NAMPT: variants seen among roughly 807,000 people sequenced by gnomAD.
The protein encoded by NAMPT is nicotinamide phosphoribosyltransferase.
Under a neutral mutation model 58.7 loss-of-function variants are expected in NAMPT, and 7 were observed. The ratio of observed to expected loss-of-function variants is 0.12; its 90% CI spans 0.07 to 0.22. NAMPT has a LOEUF of 0.22. Among genes scored for constraint, NAMPT ranks in the 10% least tolerant of loss-of-function variants. The pLI is 1.00. For missense variants in NAMPT, 271 were observed against 567.9 expected, an observed-to-expected ratio of 0.48 and a Z score of 5.31; for synonymous variants, 145 against 198.1, an observed-to-expected ratio of 0.73 and a Z score of 2.25.
chr7:106,274,863 C>A (rs1463751083), intron 3 of NAMPT, 83 bp downstream of exon 3: 21 of 944,208 alleles, frequency 2.2e-5, no homozygotes, highest in Non-Finnish European at 3.3e-5. Flanking sequence ...TCAAAAAACA[C>A]AAAACAAAAA....
At chr7:106,266,589 CA>C (rs200457843) in intron 6 of NAMPT, among the ~76,000 whole-genome samples, 2,237 of 127,726 alleles carry the variant, frequency 0.018, 33 homozygotes, top group South Asian at 0.072. Flanking sequence ...TACTGAGTCC[CA>C]ACTCAAATTA....
chr7:106,280,640 T>C (rs938877413), intron 1 of NAMPT, among the ~76,000 whole-genome samples: 1 of 152,100 alleles, frequency 6.6e-6, no homozygotes, highest in African/African-American at 2.4e-5. Context: ...TGAACATCAA[T>C]ACATATGTGG....
rs1035082345 is a variant in NAMPT at position 106,251,334 on chromosome 7, A to G, written c.1366-141T>C. On this transcript the variant is annotated intron_variant, in intron 10 of 10. Transcript: ENST00000222553. ...ATTGTGAGATGATTTGATGCATAAA[A>G]AATGCTAGTGGAACAAGGTACTATC... 6.3e-6 allele frequency: 4 copies of G among 631,882 alleles called. No homozygotes were observed. The South Asian group carries it at 7.5e-5, about 12-fold the overall frequency. 39.1% of individuals were successfully genotyped at this position (631,882 alleles called of 1,614,324 possible). A position where few individuals can be genotyped will look rare whatever the true frequency, so the allele number is the denominator to read the frequency against.
At chr7:106,269,384 T>C in intron 4 of NAMPT, 72 bp from the exon 5 acceptor site, 1 of 1,062,124 alleles carries the variant, frequency 9.4e-7, no homozygotes, top group South Asian at 2.0e-5. Context: ...AATCCTAGCT[T>C]TTTTTTTTTT....
chr7:106,276,774 G>C lies in NAMPT; in HGVS notation c.214+249C>G, dbSNP rs542428851. The C allele has an allele frequency of 1.4e-5, 5 of 344,886 alleles. No individual in the cohort carries two copies. The South Asian group carries it at 1.5e-4, about 10-fold the overall frequency. 21.4% of individuals were successfully genotyped at this position (344,886 alleles called of 1,614,324 possible). A position where few individuals can be genotyped will look rare whatever the true frequency, so the allele number is the denominator to read the frequency against. On this transcript the variant is annotated intron_variant, in intron 2 of 10. Coordinates refer to ENST00000222553, the MANE Select transcript of NAMPT (RefSeq NM_005746.3). ...GGAGAATTGCCTGAAACCAGGAGGC[G>C]GAGGTTGCGCTGAGTTGAGATCATG...
At chr7:106,281,524 GCTATATAATAT>G (rs1792763592) in intron 1 of NAMPT, among the ~76,000 whole-genome samples, 1 of 152,166 alleles carries the variant, frequency 6.6e-6, no homozygotes, top group Admixed American at 6.5e-5. Flanking sequence ...AGTTATGTTA[GCTATATAATAT>G]CTAAGGGCAA....
At chr7:106,268,184 G>A (rs1792465520) in intron 6 of NAMPT, among the ~76,000 whole-genome samples, 2 of 151,816 alleles carry the variant, frequency 1.3e-5, no homozygotes, top group African/African-American at 4.8e-5. Context: ...ACCTACATAT[G>A]ACAATACAGT....
chr7:106,274,114 T>C (rs1051276465), intron 3 of NAMPT, among the ~76,000 whole-genome samples: 1 of 150,098 alleles, frequency 6.7e-6, no homozygotes, highest in Admixed American at 6.7e-5. Flanking sequence ...ATACTAGATA[T>C]AAATATAATA....
rs1294561331 is a variant in NAMPT, at chr7:106,284,849, G to A, written c.36C>T (p.Leu12=). The A allele has an allele frequency of 1.3e-6, 2 of 1,574,636 alleles. No individual in the cohort carries two copies. The highest frequency in any genetic ancestry group is 1.2e-5 in the South Asian group (1 of 86,106). The change falls in exon 1 of 11, where the codon CTC becomes CTT. Residue 12 remains leucine, a synonymous_variant. Coordinates refer to ENST00000222553, the MANE Select transcript of NAMPT (RefSeq NM_005746.3). ...NPAAEAEFNI[L]LATDSYKVTH... The stretch of plus-strand genomic sequence containing the variant: ...TTACCTTGTAGGAGTCGGTGGCCAG[G>A]AGGATGTTGAACTCGGCTTCTGCCG...
chr7:106,267,772 C>T (rs1226128304), intron 6 of NAMPT, among the ~76,000 whole-genome samples: 2 of 125,808 alleles, frequency 1.6e-5, no homozygotes, highest in Non-Finnish European at 3.2e-5. Flanking sequence ...ACCTGGGAGG[C>T]GGAGCTTGCA....
chr7:106,285,623 A>G, upstream of NAMPT: 4 of 985,696 alleles, frequency 4.1e-6, no homozygotes, highest in Non-Finnish European at 4.8e-6. Flanking sequence ...CCTGTCTTTA[A>G]GATCCCAGGA....
chr7:106,255,461 T>C (rs546696357), intron 8 of NAMPT, among the ~76,000 whole-genome samples: 1 of 152,330 alleles, frequency 6.6e-6, no homozygotes, highest in East Asian at 1.9e-4. Flanking sequence ...AGTTACCACA[T>C]TCTCACCAAA....
intron 6 of NAMPT, 45 bp from the exon 7 acceptor site, chr7:106,263,662 G>T: frequency 7.1e-7 from 1 of 1,402,378 alleles, no homozygotes; most frequent in Non-Finnish European, 1.0e-6. Flanking sequence ...GCAGACACTT[G>T]ATCTATCCCT....
rs892142614 is a variant in NAMPT, at chr7:106,251,338, G to A, written c.1366-145C>T. On this transcript the variant is annotated intron_variant, in intron 10 of 10. Transcript: ENST00000222553. ...TGAGATGATTTGATGCATAAAAAAT[G>A]CTAGTGGAACAAGGTACTATCTAAA... 17 of 627,314 alleles carry A rather than the reference G, an allele frequency of 2.7e-5. No homozygotes were observed. In the African/African-American group the frequency reaches 2.9e-4, roughly 11 times the overall value. The allele number at this position is 627,314 out of a possible 1,614,324, so 38.9% of individuals were successfully genotyped here.
At chr7:106,285,245 T>C (rs898535482), upstream of NAMPT, 11 of 924,722 alleles carry the variant, frequency 1.2e-5, no homozygotes, top group Admixed American at 5.4e-5. Context: ...ATGCACGCGC[T>C]CTTCCTCCCA....
rs965427643 is a variant in NAMPT at position 106,253,307 on chromosome 7, T to C, written c.1231-156A>G. 19 of 702,692 alleles carry C rather than the reference T, an allele frequency of 2.7e-5. No individual in the cohort carries two copies. The African/African-American group carries it at 3.3e-4, about 12-fold the overall frequency. The allele number at this position is 702,692 out of a possible 1,614,324, so 43.5% of individuals were successfully genotyped here. On this transcript the variant is annotated intron_variant, in intron 9 of 10. Coordinates refer to ENST00000222553, the MANE Select transcript of NAMPT (RefSeq NM_005746.3). Reference sequence around the variant, plus strand: ...AATCCACATCTGGCTTTCAGAAACATAACACTTTAGCCTGTTTTGAAGGAT... The same window carrying C: ...AATCCACATCTGGCTTTCAGAAACACAACACTTTAGCCTGTTTTGAAGGAT...
chr7:106,256,649 TATAAA>T, intron 8 of NAMPT, among the ~76,000 whole-genome samples: 1 of 152,238 alleles, frequency 6.6e-6, no homozygotes, highest in East Asian at 1.9e-4. Flanking sequence ...AACACTTTAC[TATAAA>T]ATAGGTTTTG....
intron 6 of NAMPT, among the ~76,000 whole-genome samples, chr7:106,264,843 T>A (rs1256011719): frequency 6.6e-6 from 1 of 151,924 alleles, no homozygotes; most frequent in Admixed American, 6.6e-5. Flanking sequence ...AGAGTCAGAC[T>A]TTATGTCTGA....
chr7:106,276,599 T>C (rs1792649393), intron 2 of NAMPT: 1 of 162,892 alleles, frequency 6.1e-6, no homozygotes, highest in African/African-American at 2.4e-5. Context: ...TCACAGCACT[T>C]TGGTGGGCCG....
Sources: gnomAD v4.1 joint callset for allele counts (sites outside exome capture counted in the v4.1 genomes callset) on GRCh38, gnomAD v4.1.1 for gene constraint, MANE v1.5 for transcripts, NCBI Gene and HGNC (gene_info 2026-07-23, HGNC 2026-07-21) for gene names.